The following SCG5 variants were observed in gnomAD, a reference collection of about 807,000 sequenced individuals.
SCG5 encodes neuroendocrine protein 7B2.
Under a neutral mutation model 25.7 loss-of-function variants are expected in SCG5, and 18 were observed. That is an observed-to-expected ratio of 0.70 (90% confidence interval 0.48 to 1.04). The LOEUF is 1.04. Among genes scored for constraint, SCG5 ranks in the 50% least tolerant of loss-of-function variants. SCG5 has a pLI of 0.00. For missense variants in SCG5, 206 were observed against 259.8 expected (o/e 0.79, Z 1.42); for synonymous variants, 101 against 91.7 (o/e 1.10, Z -0.58).
At position 32,696,525 on chromosome 15, in the gene SCG5, A is replaced by G. The variant is rs1440614135; in HGVS notation, c.555A>G (p.Pro185=). Reference sequence around the variant, plus strand: ...TGTTTGTTTTTCAGAGTGTCAATCCATATCTACAAGGACAGAGACTGGATA... The same window carrying G: ...TGTTTGTTTTTCAGAGTGTCAATCCGTATCTACAAGGACAGAGACTGGATA... ...GERRKRRSVN[P]YLQGQRLDNV... is the part of the protein sequence containing the mutation. The change falls in exon 6 of 6, where the codon CCA becomes CCG. Residue 185 remains proline, a synonymous_variant. Transcript: ENST00000300175. 2 of 1,611,502 alleles carry G rather than the reference A, an allele frequency of 1.2e-6. No individual in the cohort carries two copies. The highest frequency in any genetic ancestry group is 1.1e-5 in the South Asian group (1 of 90,620).
chr15:32,672,704 T>G (rs970892038), intron 2 of SCG5, among the ~76,000 whole-genome samples: 1 of 152,094 alleles, frequency 6.6e-6, no homozygotes, highest in Non-Finnish European at 1.5e-5. Flanking sequence ...GAAGGCCTCG[T>G]GGGGGCTCTC....
intron 2 of SCG5, among the ~76,000 whole-genome samples, chr15:32,651,534 A>G (rs982404244): frequency 6.6e-6 from 1 of 152,232 alleles, no homozygotes; most frequent in African/African-American, 2.4e-5. Flanking sequence ...AAAGCAGTGC[A>G]GCTGACTCTT....
intron 2 of SCG5, among the ~76,000 whole-genome samples, chr15:32,650,476 A>G (rs774725323): frequency 2.0e-5 from 3 of 152,238 alleles, no homozygotes; most frequent in Non-Finnish European, 2.9e-5. Context: ...ATATTTCAGC[A>G]GTAACCATCT....
At chr15:32,690,802 C>CTTTTTTTTTTTTTTTTTTTTT (rs201322158) in intron 4 of SCG5, among the ~76,000 whole-genome samples, 1 of 150,022 alleles carries the variant, frequency 6.7e-6, no homozygotes, top group African/African-American at 2.5e-5. Context: ...CTGTGGTTGT[C>CTTTTTTTTTTTTTTTTTTTTT]TTTGTTTTTT....
chr15:32,693,983 T>C (rs955283994), intron 5 of SCG5, among the ~76,000 whole-genome samples: 4 of 151,974 alleles, frequency 2.6e-5, no homozygotes, highest in African/African-American at 9.7e-5. Flanking sequence ...GGTGGTATGC[T>C]CCTGTTATCT....
intron 2 of SCG5, among the ~76,000 whole-genome samples, chr15:32,664,964 G>T (rs1007227720): frequency 2.0e-5 from 3 of 152,174 alleles, no homozygotes; most frequent in Non-Finnish European, 2.9e-5. Flanking sequence ...GCCTCTAGGA[G>T]GTCTCCAGTT....
intron 5 of SCG5, chr15:32,692,038 C>A: frequency 1.5e-6 from 2 of 1,335,830 alleles, no homozygotes; most frequent in Non-Finnish European, 1.9e-6. Flanking sequence ...GTATTGCTTC[C>A]CCCATCAGTG....
intron 2 of SCG5, among the ~76,000 whole-genome samples, chr15:32,671,944 G>C (rs1270267755): frequency 6.6e-6 from 1 of 152,176 alleles, no homozygotes; most frequent in African/African-American, 2.4e-5. Flanking sequence ...GGTCTCCTCG[G>C]GCGCTCTCGC....
At chr15:32,647,898 A>T (rs1211970787) in intron 2 of SCG5, among the ~76,000 whole-genome samples, 1 of 152,174 alleles carries the variant, frequency 6.6e-6, no homozygotes, top group Non-Finnish European at 1.5e-5. Context: ...TCCAGGGCTC[A>T]GTGCTGGGTC....
intron 2 of SCG5, among the ~76,000 whole-genome samples, chr15:32,654,445 G>A (rs1238192957): frequency 6.6e-6 from 1 of 152,320 alleles, no homozygotes. Flanking sequence ...AGCCCAGCTA[G>A]TATTTGTGGG....
At chr15:32,671,015 T>C (rs1206112167) in intron 2 of SCG5, among the ~76,000 whole-genome samples, 1 of 152,192 alleles carries the variant, frequency 6.6e-6, no homozygotes, top group Non-Finnish European at 1.5e-5. Context: ...TACCAGGTAC[T>C]GAGGTAAGCA....
chr15:32,657,092 G>A (rs1191965561), intron 2 of SCG5, among the ~76,000 whole-genome samples: 1 of 148,640 alleles, frequency 6.7e-6, no homozygotes, highest in Non-Finnish European at 1.5e-5. Flanking sequence ...GGTTTGACAG[G>A]GCAGTCAAAT....
In SCG5 at chr15:32,655,938, T is replaced by A. The variant is rs558032400; in HGVS notation, c.226+12120T>A. The A allele has an allele frequency of 2.6e-5, 4 of 152,348 alleles. No homozygotes were observed. In the South Asian group the frequency reaches 8.3e-4, roughly 32 times the overall value. The allele number at this position is 152,348 out of a possible 1,614,324, so 9.4% of individuals were successfully genotyped here. A position where few individuals can be genotyped will look rare whatever the true frequency, so the allele number is the denominator to read the frequency against. ...TGGACCAAGACAGTGTGCCTTGATA[T>A]CCCTAAATACTAGAGATTTTTTAGG... On this transcript the variant is annotated intron_variant, in intron 2 of 5. Coordinates refer to ENST00000300175, the MANE Select transcript of SCG5 (RefSeq NM_001144757.3).
chr15:32,680,257 G>A (rs886961928), intron 3 of SCG5, among the ~76,000 whole-genome samples: 1 of 147,214 alleles, frequency 6.8e-6, no homozygotes, highest in African/African-American at 2.5e-5. Context: ...GTGCAGTGGT[G>A]TGATCTTGGT....
At position 32,646,025 on chromosome 15, in the gene SCG5, A is replaced by G. The variant is rs561109446; in HGVS notation, c.226+2207A>G. Among the ~76,000 whole-genome samples, 110 of 152,120 alleles carry G rather than the reference A, an allele frequency of 7.2e-4. 1 individual carries two copies. Among genetic ancestry groups the G allele is most frequent in the Non-Finnish European group, 1.5e-3 (99 of 67,982 alleles). On this transcript the variant is annotated intron_variant, in intron 2 of 5. Transcript: ENST00000300175. ...AGTAGAGATGGGGTTTCACCGTGTT[A>G]GCCAGGATGGTCTCCATCTGACCTC...
chr15:32,695,467 T>C (rs972436499), intron 5 of SCG5, among the ~76,000 whole-genome samples: 7 of 152,072 alleles, frequency 4.6e-5, no homozygotes, highest in Non-Finnish European at 1.5e-5. Flanking sequence ...TAAATAGATA[T>C]GTATTAGAGA....
intron 2 of SCG5, chr15:32,669,239 G>A (rs1450769911): frequency 6.6e-6 from 1 of 152,236 alleles, no homozygotes; most frequent in Non-Finnish European, 1.5e-5. Context: ...TGGGGCTCAG[G>A]TTCTGGACAA....
chr15:32,669,031 G>T (rs1016140260), intron 2 of SCG5: 1 of 152,176 alleles, frequency 6.6e-6, no homozygotes, highest in Non-Finnish European at 1.5e-5. Flanking sequence ...CTTATCCCTT[G>T]AGCTGGCACA....
chr15:32,677,573 C>T (rs546024450), intron 2 of SCG5: 2 of 152,374 alleles, frequency 1.3e-5, no homozygotes, highest in East Asian at 3.9e-4. Context: ...GCAGGATCCT[C>T]CTTCATGAGA....
Sources: allele counts gnomAD v4.1 joint callset (sites outside exome capture counted in the v4.1 genomes callset), GRCh38; gene constraint gnomAD v4.1.1; transcripts MANE v1.5; gene names NCBI Gene and HGNC (gene_info 2026-07-23, HGNC 2026-07-21).